Variants in DHX16 observed in about 807,000 individuals in gnomAD.
The protein encoded by DHX16 is pre-mRNA-splicing factor ATP-dependent RNA helicase DHX16.
Under a neutral mutation model 131.2 loss-of-function variants are expected in DHX16, and 81 were observed. That is an observed-to-expected ratio of 0.62 (90% CI 0.52 to 0.74). DHX16 has a LOEUF of 0.74. DHX16 is among the 30% of genes least tolerant of loss of function. DHX16 has a pLI of 0.00. For missense variants in DHX16, 980 were observed against 1,363.1 expected (o/e 0.72, Z 4.43); for synonymous variants, 440 against 520.2 (o/e 0.85, Z 2.10).
intron 12 of DHX16, among the ~76,000 whole-genome samples, chr6:30,658,146 C>T (rs1356423191): frequency 6.6e-6 from 1 of 152,230 alleles, no homozygotes; most frequent in East Asian, 1.9e-4. Context: ...TGGCTCATGC[C>T]TGTAACCCAG....
chr6:30,654,655 C>T (rs1767788234), intron 19 of DHX16, 51 bp downstream of exon 19: 1 of 1,529,212 alleles, frequency 6.5e-7, no homozygotes, highest in African/African-American at 1.4e-5. Context: ...TGCCAGGACA[C>T]CATCTCTCTA....
chr6:30,667,304 C>T (rs758435871), intron 4 of DHX16, among the ~76,000 whole-genome samples: 4 of 152,030 alleles, frequency 2.6e-5, no homozygotes, highest in Non-Finnish European at 5.9e-5. Flanking sequence ...CCATTTCGGC[C>T]GGGCGCGGTG....
At position 30,668,259 on chromosome 6, in the gene DHX16, A is replaced by C. The variant is rs922559837; in HGVS notation, c.666+2151T>G. ...TACAATTACAATGCAAATACTACCCATAGTATTAACCATTTTTCAATCTGA... is the reference window on the plus strand; with the variant it reads ...TACAATTACAATGCAAATACTACCCCTAGTATTAACCATTTTTCAATCTGA... On this transcript the variant is annotated intron_variant, in intron 4 of 19. Transcript: ENST00000376442. 2.6e-5 allele frequency among the ~76,000 whole-genome samples: 4 copies of C among 152,292 alleles called. No homozygotes were observed. In the East Asian group the frequency reaches 7.7e-4, roughly 29 times the overall value.
At chr6:30,659,886 C>T (rs768264824) in intron 10 of DHX16, 52 bp from the exon 11 acceptor site, 2 of 1,578,228 alleles carry the variant, frequency 1.3e-6, no homozygotes, top group Admixed American at 1.7e-5. Flanking sequence ...CTTAGGCAAA[C>T]CTTTCCTCTC....
chr6:30,661,808 T>C lies in DHX16; in HGVS notation c.1544+819A>G, dbSNP rs150626426. ...CATTCCACAAAGCAGGCTGGCTCGA[T>C]GGGCAAAAACATCTGCATCAGACAC... is the stretch of plus-strand genomic sequence containing the variant. On this transcript the variant is annotated intron_variant, in intron 9 of 19. Coordinates refer to ENST00000376442, the MANE Select transcript of DHX16 (RefSeq NM_003587.5). 7.2e-4 allele frequency: 514 copies of C among 717,870 alleles called. 1 individual carries two copies. Among genetic ancestry groups the C allele is most frequent in the African/African-American group, 5.6e-3 (323 of 57,370 alleles). 44.5% of individuals were successfully genotyped at this position (717,870 alleles called of 1,614,324 possible).
chr6:30,655,101 C>A, intron 18 of DHX16, 74 bp downstream of exon 18: 1 of 1,581,590 alleles, frequency 6.3e-7, no homozygotes, highest in South Asian at 1.1e-5. Context: ...GGAGGAAATG[C>A]TGCATGCCCC....
intron 9 of DHX16, 98 bp from the exon 10 acceptor site, chr6:30,660,340 G>C (rs1768391954): frequency 3.9e-6 from 4 of 1,020,342 alleles, no homozygotes; most frequent in South Asian, 4.2e-5. Context: ...TGGACACAAA[G>C]AGTTCAAGAA....
In DHX16 at chr6:30,662,616, A is replaced by G. The variant is rs1330580477; in HGVS notation, c.1544+11T>C. The stretch of plus-strand genomic sequence containing the variant: ...GGAAGAAGGGAGAGAAAGGCCAGAG[A>G]TTAGAGATACCTGTAACTCGCCAGG... On this transcript the variant is annotated intron_variant, in intron 9 of 19. Transcript: ENST00000376442. The surrounding 1 kb of genome is among the most constrained non-coding windows in gnomAD (Gnocchi z 4.7). 4 of 1,607,362 alleles carry G rather than the reference A, an allele frequency of 2.5e-6. No individual in the cohort carries two copies. Among genetic ancestry groups the G allele is most frequent in the Non-Finnish European group, 2.6e-6 (3 of 1,174,996 alleles).
At chr6:30,659,324 C>T in intron 12 of DHX16, 148 bp downstream of exon 12, 1 of 855,364 alleles carries the variant, frequency 1.2e-6, no homozygotes, top group Non-Finnish European at 1.8e-6. Flanking sequence ...TATTTCTCCT[C>T]TCTTCAGTCC....
chr6:30,656,433 C>A lies in DHX16; in HGVS notation c.2388G>T (p.Leu796=). Residue 796 remains leucine (L), a synonymous_variant, in exon 15 of 20, where the codon CTG becomes CTT. Coordinates refer to ENST00000376442, the MANE Select transcript of DHX16 (RefSeq NM_003587.5). This position sits in a 1 kb window ranked among gnomAD's most constrained non-coding sequence, Gnocchi z 5.1. ...GGTGGTTGAGGGCTCCCAGAGCATA[C>A]AGCTGCTCCAAAGCCAGCAGCAGTG... ...YETLLLALEQ[L]YALGALNHLG... The A allele has an allele frequency of 6.2e-7, 1 of 1,614,162 alleles. No individual in the cohort carries two copies.
chr6:30,662,618 T>C lies in DHX16; in HGVS notation c.1544+9A>G. 2 of 1,608,422 alleles carry C rather than the reference T, an allele frequency of 1.2e-6. No individual in the cohort carries two copies. Among genetic ancestry groups the C allele is most frequent in the East Asian group, 2.2e-5 (1 of 44,866 alleles). ...AAGAAGGGAGAGAAAGGCCAGAGAT[T>C]AGAGATACCTGTAACTCGCCAGGTC... On this transcript the variant is annotated intron_variant, in intron 9 of 19. Coordinates refer to ENST00000376442, the MANE Select transcript of DHX16 (RefSeq NM_003587.5). The surrounding 1 kb of genome is among the most constrained non-coding windows in gnomAD (Gnocchi z 4.7).
chr6:30,660,131 T>G lies in DHX16; in HGVS notation c.1656A>C (p.Ser552=). 1.2e-6 allele frequency: 2 copies of G among 1,611,038 alleles called. No homozygotes were observed. Among genetic ancestry groups the G allele is most frequent in the South Asian group, 2.2e-5 (2 of 90,756 alleles). ...AAAAACGGGCAGTGTCCATTGTGGC[T>G]GAAGCCACCAGGACCTTGAGCTCAG... ...FRPELKVLVA[S]ATMDTARFST... is the part of the protein sequence containing the mutation. The change falls in exon 10 of 20, where the codon TCA becomes TCC. Residue 552 remains serine, a synonymous_variant. Transcript: ENST00000376442.
rs1767612080 is a variant in DHX16, at chr6:30,653,165, A to ATAAT, written c.*73_*76dup. 1.3e-6 allele frequency: 2 copies of ATAAT among 1,498,080 alleles called. No homozygotes were observed. The highest frequency in any genetic ancestry group is 1.8e-6 in the Non-Finnish European group (2 of 1,116,006). The allele number at this position is 1,498,080 out of a possible 1,614,324, so 92.8% of individuals were successfully genotyped here. Reference sequence around the variant, plus strand: ...TGTTCCCACAAGCTTTATTCCAAAAATAATTTTATTTAATAGGTATTAAAT... The same window carrying ATAAT: ...TGTTCCCACAAGCTTTATTCCAAAAATAATTAATTTTATTTAATAGGTATTAAAT... On this transcript the variant is annotated 3_prime_UTR_variant, in exon 20 of 20. Transcript: ENST00000376442.
Position 30,672,751 on chromosome 6 carries a change from T to G in DHX16, c.91A>C (p.Ile31Leu), listed in dbSNP as rs773038887. 1 of 1,612,908 alleles carries G rather than the reference T, an allele frequency of 6.2e-7. No individual in the cohort carries two copies. The highest frequency in any genetic ancestry group is 1.3e-5 in the African/African-American group (1 of 74,998). ...GAGGTGCAGCGCTGTGCGGTACCGA[T>G]CAGAAACTGGGCGACGTGCCGCTCG... ...LSERHVAQFL[I>L]GTAQRCTSAE... is the part of the protein sequence containing the mutation. The change falls in exon 1 of 20, where the codon ATC (isoleucine) becomes CTC (leucine). Residue 31 changes from isoleucine (I) to leucine (L), a missense_variant. By Grantham distance (5) the Ile-to-Leu change is conservative. Coordinates refer to ENST00000376442, the MANE Select transcript of DHX16 (RefSeq NM_003587.5).
Position 30,655,209 on chromosome 6 carries a change from C to T in DHX16, c.2789G>A (p.Ser930Asn), listed in dbSNP as rs1368963520. ...GLLERVEVGLSSCQGDYIRVR... is the reference protein window; with the variant it reads ...GLLERVEVGLNSCQGDYIRVR... ...ACGGATATAGTCCCCCTGGCAGGAA[C>T]TGAGACCAACTTCCACACGTTCCAA... is the stretch of plus-strand genomic sequence containing the variant. The change falls in exon 18 of 20, where the codon AGT becomes AAT. Residue 930 changes from serine to asparagine, a missense_variant. Physicochemically the swap from Ser to Asn is conservative, Grantham distance 46. Around this residue, in one of 3 missense-constraint regions of DHX16, gnomAD observed 214 missense variants for 271.2 expected, o/e 0.79. Transcript: ENST00000376442. The T allele has an allele frequency of 1.9e-6, 3 of 1,614,094 alleles. No homozygotes were observed. In the African/African-American group the frequency reaches 4.0e-5, roughly 22 times the overall value.
rs1367228043 is a variant in DHX16 at position 30,665,162 on chromosome 6, T to A, written c.1034A>T (p.Asp345Val). 6.2e-7 allele frequency: 1 copy of A among 1,613,402 alleles called. No individual in the cohort carries two copies. The highest frequency in any genetic ancestry group is 8.5e-7 in the Non-Finnish European group (1 of 1,179,938). ...ATACTTGGGCTCCTGAGAGGCAGCATCTCGGGCCCCAAACTTCAGGGACGC... is the reference window on the plus strand; with the variant it reads ...ATACTTGGGCTCCTGAGAGGCAGCAACTCGGGCCCCAAACTTCAGGGACGC... ...GAASLKFGAR[D>V]AASQEPKYQL... Residue 345 changes from aspartate (D) to valine (V), a missense_variant, in exon 6 of 20, where the codon GAT (aspartate) becomes GTT (valine). This residue lies in a region of DHX16 where 457 missense variants were observed against 554.8 expected (regional missense o/e 0.82). Transcript: ENST00000376442. This position sits in a 1 kb window ranked among gnomAD's most constrained non-coding sequence, Gnocchi z 4.8.
At position 30,662,782 on chromosome 6, in the gene DHX16, G is replaced by A. The variant is rs774622643; in HGVS notation, c.1429-40C>T. On this transcript the variant is annotated intron_variant, in intron 8 of 19. Transcript: ENST00000376442. The surrounding 1 kb of genome is among the most constrained non-coding windows in gnomAD (Gnocchi z 4.7). The stretch of plus-strand genomic sequence containing the variant: ...CATTAGCAACCAAGTGTGGGCTGGT[G>A]TGCCCTGAAAGGAACTTGGGGAAAG... 1.9e-6 allele frequency: 3 copies of A among 1,595,318 alleles called. No individual in the cohort carries two copies. Among genetic ancestry groups the A allele is most frequent in the Non-Finnish European group, 1.7e-6 (2 of 1,165,248 alleles).
At chr6:30,664,778 G>GC (rs1438790123) in intron 7 of DHX16, 23 bp downstream of exon 7, 22 of 1,596,378 alleles carry the variant, frequency 1.4e-5, no homozygotes, top group Non-Finnish European at 1.9e-5. Context: ...GCCCTGGCAA[G>GC]CTGAAGGGTG....
At chr6:30,667,578 T>C (rs1769163577) in intron 4 of DHX16, among the ~76,000 whole-genome samples, 1 of 127,482 alleles carries the variant, frequency 7.8e-6, no homozygotes, top group Admixed American at 8.3e-5. Flanking sequence ...CGAGACTCTG[T>C]CTCAAAAAAA....
Sources: allele counts gnomAD v4.1 joint callset (sites outside exome capture counted in the v4.1 genomes callset), GRCh38; gene constraint gnomAD v4.1.1; regional missense constraint gnomAD v4.1.1; non-coding constraint Gnocchi (gnomAD v3.1); transcripts MANE v1.5; gene names NCBI Gene and HGNC (gene_info 2026-07-23, HGNC 2026-07-21).